TLL1: variants seen among roughly 807,000 people sequenced by gnomAD.
TLL1 encodes the protein tolloid-like protein 1.
In TLL1, 49 loss-of-function variants were observed where a neutral mutation model predicts 128.2. That is an observed-to-expected ratio of 0.38 (90% CI 0.30 to 0.48). TLL1 has a LOEUF of 0.48. Ranked by LOEUF, TLL1 falls within the 20% of genes least tolerant of loss-of-function variation. The pLI is 0.96. For missense variants in TLL1, 1,123 were observed against 1,242.0 expected (o/e 0.90, Z 1.44); for synonymous variants, 454 against 418.8 (o/e 1.08, Z -1.03).
intron 18 of TLL1, among the ~76,000 whole-genome samples, chr4:166,090,724 G>A (rs936723826): frequency 1.3e-4 from 19 of 151,832 alleles, no homozygotes; most frequent in Non-Finnish European, 1.5e-5. Context: ...AGTGCCTAAG[G>A]GTAGGATAAT....
intron 1 of TLL1, among the ~76,000 whole-genome samples, chr4:165,877,110 A>G (rs922145): frequency 0.059 from 8,966 of 152,258 alleles, 698 homozygotes; most frequent in African/African-American, 0.18. Flanking sequence ...ACAACTTTAA[A>G]AGTTACACTA....
intron 10 of TLL1, among the ~76,000 whole-genome samples, chr4:166,040,840 T>G (rs79109105): frequency 0.045 from 6,845 of 152,308 alleles, 200 homozygotes; most frequent in African/African-American, 0.064. Flanking sequence ...TGAACTTGCT[T>G]TATGCAAGTC....
intron 1 of TLL1, among the ~76,000 whole-genome samples, chr4:165,967,886 T>G (rs1406611386): frequency 6.6e-6 from 1 of 152,198 alleles, no homozygotes; most frequent in Non-Finnish European, 1.5e-5. Flanking sequence ...TAGATAGACT[T>G]TATATTGAGT....
chr4:165,995,135 A>G lies in TLL1; in HGVS notation c.589A>G (p.Ser197Gly). 1 of 1,614,080 alleles carries G rather than the reference A, an allele frequency of 6.2e-7. No homozygotes were observed. The highest frequency in any genetic ancestry group is 8.5e-7 in the Non-Finnish European group (1 of 1,179,934). ...KHTCVTFIER[S>G]DEESYIVFTY... ...CACATGTGTGACTTTCATAGAAAGA[A>G]GTGATGAAGAGAGTTACATTGTATT... The change falls in exon 5 of 21, where the codon AGT (serine) becomes GGT (glycine). Residue 197 changes from serine to glycine, a missense_variant. By Grantham distance (56) the Ser-to-Gly change is moderately conservative. This residue lies in a region of TLL1 where 480 missense variants were observed against 542.4 expected (regional missense o/e 0.89). Transcript: ENST00000061240.
chr4:165,964,579 C>A (rs1006171481), intron 1 of TLL1, among the ~76,000 whole-genome samples: 1 of 152,118 alleles, frequency 6.6e-6, no homozygotes, highest in Non-Finnish European at 1.5e-5. Context: ...TCACATGTTG[C>A]AATTCCTACC....
chr4:165,952,048 A>T (rs1220085003), intron 1 of TLL1, among the ~76,000 whole-genome samples: 2 of 152,160 alleles, frequency 1.3e-5, no homozygotes, highest in African/African-American at 4.8e-5. Flanking sequence ...CTCTTAAGAG[A>T]TAGAAATAAA....
rs1740952012 is a variant in TLL1 at position 166,074,903 on chromosome 4, T to C, written c.2214T>C (p.Asn738=). The part of the protein sequence containing the change: ...FSDKDECSKD[N]GGCQHECVNT... ...ACAAAGATGAATGCTCTAAGGATAA[T>C]GGTGGATGTCAGCACGAATGTGTCA... Residue 738 remains asparagine, a synonymous_variant, in exon 17 of 21, where the codon AAT becomes AAC. Transcript: ENST00000061240. The C allele has an allele frequency of 1.2e-6, 2 of 1,613,470 alleles. No individual in the cohort carries two copies. Among genetic ancestry groups the C allele is most frequent in the East Asian group, 2.2e-5 (1 of 44,798 alleles).
rs73863521 is a variant in TLL1, at chr4:166,007,829, G to A, written c.812-114G>A. ...GCCTGTGTGTTTTGTATGTAAATTC[G>A]ATCAGCAAGATCAGTCATTTCACAA... On this transcript the variant is annotated intron_variant, in intron 6 of 20. Coordinates refer to ENST00000061240, the MANE Select transcript of TLL1 (RefSeq NM_012464.5). 246 of 734,926 alleles carry A rather than the reference G, an allele frequency of 3.3e-4. No homozygotes were observed. The African/African-American group carries it at 3.7e-3, about 11-fold the overall frequency. 45.5% of individuals were successfully genotyped at this position (734,926 alleles called of 1,614,324 possible). A position where few individuals can be genotyped will look rare whatever the true frequency, so the allele number is the denominator to read the frequency against.
intron 15 of TLL1, among the ~76,000 whole-genome samples, chr4:166,062,836 T>C (rs1051515896): frequency 6.6e-6 from 1 of 152,178 alleles, no homozygotes; most frequent in Admixed American, 6.6e-5. Flanking sequence ...GCCCATTCAG[T>C]ATGATATTGG....
intron 1 of TLL1, among the ~76,000 whole-genome samples, chr4:165,958,854 T>G (rs1425927726): frequency 1.4e-5 from 2 of 145,344 alleles, no homozygotes; most frequent in South Asian, 2.2e-4. Context: ...GGTCTAACGT[T>G]TAAGTCTTTA....
chr4:165,989,275 A>G (rs1205230824), intron 1 of TLL1, 106 bp from the exon 2 acceptor site: 2 of 835,338 alleles, frequency 2.4e-6, no homozygotes, highest in South Asian at 1.5e-5. Context: ...ATCTGTCTCT[A>G]TCCAGACCAC....
At chr4:165,919,017 A>G (rs921532660) in intron 1 of TLL1, among the ~76,000 whole-genome samples, 1 of 152,190 alleles carries the variant, frequency 6.6e-6, no homozygotes, top group Non-Finnish European at 1.5e-5. Context: ...ATTGTACTTT[A>G]TTCAGTAATA....
At chr4:166,057,505 CT>C (rs925616462) in intron 14 of TLL1, among the ~76,000 whole-genome samples, 196 bp downstream of exon 14, 23 of 152,076 alleles carry the variant, frequency 1.5e-4, no homozygotes, top group African/African-American at 4.8e-4. Context: ...TCCTTTCCTC[CT>C]TTGATTACCA....
intron 2 of TLL1, 92 bp from the exon 3 acceptor site, chr4:165,992,712 C>A: frequency 8.5e-7 from 1 of 1,174,188 alleles, no homozygotes; most frequent in Non-Finnish European, 1.3e-6. Flanking sequence ...TAAAAAATGA[C>A]CAAAGAGAAA....
chr4:165,964,027 A>C (rs368581002), intron 1 of TLL1, among the ~76,000 whole-genome samples: 10 of 152,290 alleles, frequency 6.6e-5, no homozygotes, highest in Admixed American at 1.3e-4. Context: ...TCAAAATTTT[A>C]GGCTACATTT....
chr4:166,030,293 A>G (rs899101273), intron 9 of TLL1, among the ~76,000 whole-genome samples: 1 of 152,110 alleles, frequency 6.6e-6, no homozygotes, highest in African/African-American at 2.4e-5. Context: ...CTTAATAGCC[A>G]TTTGTATATC....
chr4:165,911,331 G>C (rs1047405636), intron 1 of TLL1, among the ~76,000 whole-genome samples: 3 of 152,094 alleles, frequency 2.0e-5, no homozygotes, highest in African/African-American at 7.2e-5. Context: ...TTAACATAAT[G>C]ATCTCCAGTT....
intron 1 of TLL1, among the ~76,000 whole-genome samples, chr4:165,977,590 T>C (rs1560786044): frequency 6.6e-6 from 1 of 152,158 alleles, no homozygotes; most frequent in Non-Finnish European, 1.5e-5. Context: ...AAGCCCAAAA[T>C]CTAAAGGAGA....
chr4:166,067,269 A>G (rs1420052198), intron 16 of TLL1, among the ~76,000 whole-genome samples: 2 of 151,862 alleles, frequency 1.3e-5, no homozygotes, highest in Non-Finnish European at 2.9e-5. Flanking sequence ...AAGAAAAGAA[A>G]CATGCTACAA....
Sources: allele counts gnomAD v4.1 joint callset (sites outside exome capture counted in the v4.1 genomes callset), GRCh38; gene constraint gnomAD v4.1.1; regional missense constraint gnomAD v4.1.1; transcripts MANE v1.5; gene names NCBI Gene and HGNC (gene_info 2026-07-23, HGNC 2026-07-21).